RARB: variants seen among roughly 807,000 people sequenced by gnomAD.
The protein encoded by RARB is HBV-activated protein.
A neutral mutation model predicts 51.9 loss-of-function variants in RARB; 17 were observed. That is an observed-to-expected ratio of 0.33 (90% CI 0.22 to 0.49). The LOEUF is 0.49. Among genes scored for constraint, RARB ranks in the 20% least tolerant of loss-of-function variants. The pLI, the probability that RARB is intolerant of heterozygous loss-of-function variation, is 0.99. For synonymous variants in RARB, 215 were observed against 195.4 expected, an observed-to-expected ratio of 1.10 and a Z score of -0.84; for missense variants, 369 against 550.8, an observed-to-expected ratio of 0.67 and a Z score of 3.30.
chr3:24,901,780 C>T lies in RARB; in HGVS notation c.-380+43028C>T, dbSNP rs556041555. On this transcript the variant is annotated intron_variant, in intron 2 of 11. Transcript: ENST00000383772. Reference sequence around the variant, plus strand: ...GACTAGGGGGATTCCTCTGAGCTGTCGCTTCTTAGAATAGCAGTTTTAAGA... The same window carrying T: ...GACTAGGGGGATTCCTCTGAGCTGTTGCTTCTTAGAATAGCAGTTTTAAGA... Among the ~76,000 whole-genome samples, 341 of 152,174 alleles carry T rather than the reference C, an allele frequency of 2.2e-3. 15 individuals carry two copies. The South Asian group carries it at 0.065, about 29-fold the overall frequency.
At chr3:25,467,135 A>C (rs559603290) in intron 2 of RARB, among the ~76,000 whole-genome samples, 1 of 152,344 alleles carries the variant, frequency 6.6e-6, no homozygotes, top group East Asian at 1.9e-4. Context: ...CCCATCATCC[A>C]AAATCAGAGA....
At chr3:25,489,898 T>C (rs1217944287) in intron 2 of RARB, among the ~76,000 whole-genome samples, 2 of 152,260 alleles carry the variant, frequency 1.3e-5, no homozygotes, top group African/African-American at 4.8e-5. Context: ...TAGAGGTCGA[T>C]ACTCTTAGCA....
chr3:25,375,133 C>T (rs982847347), intron 5 of RARB, among the ~76,000 whole-genome samples: 1 of 152,032 alleles, frequency 6.6e-6, no homozygotes, highest in South Asian at 2.1e-4. Flanking sequence ...GGAGATCTGC[C>T]AGGGAAAAAA....
At position 24,906,045 on chromosome 3, in the gene RARB, T is replaced by G. The variant is rs145886911; in HGVS notation, c.-380+47293T>G. Among the ~76,000 whole-genome samples the G allele has an allele frequency of 6.6e-3, 1,010 of 152,296 alleles. 8 individuals carry two copies. The highest frequency in any genetic ancestry group is 0.022 in the African/African-American group (935 of 41,568). On this transcript the variant is annotated intron_variant, in intron 2 of 11. Transcript: ENST00000383772. ...CTGGGGTACCACAGTGGGGTCTTAG[T>G]TCCTCTCAGAAAATACAGTACTAAC... is the stretch of plus-strand genomic sequence containing the variant.
At chr3:25,485,999 A>C (rs893964725) in intron 2 of RARB, among the ~76,000 whole-genome samples, 6 of 152,206 alleles carry the variant, frequency 3.9e-5, no homozygotes, top group African/African-American at 1.4e-4. Context: ...GCCACGAATT[A>C]TATTTGACAG....
At chr3:25,267,222 C>A (rs1427966082) in intron 5 of RARB, among the ~76,000 whole-genome samples, 1 of 152,148 alleles carries the variant, frequency 6.6e-6, no homozygotes, top group Non-Finnish European at 1.5e-5. Context: ...TTACTAAGCA[C>A]CTTCATTTTA....
At chr3:25,000,483 T>G (rs1201737596) in intron 2 of RARB, among the ~76,000 whole-genome samples, 1 of 152,164 alleles carries the variant, frequency 6.6e-6, no homozygotes, top group Non-Finnish European at 1.5e-5. Flanking sequence ...TCAGGGTTTT[T>G]CCCTGCATGG....
In RARB at chr3:24,853,714, G is replaced by A. The variant is rs142884472; in HGVS notation, c.-458-4960G>A. Among the ~76,000 whole-genome samples the A allele has an allele frequency of 5.2e-3, 792 of 152,322 alleles. 7 individuals are homozygous for A. The highest frequency in any genetic ancestry group is 0.018 in the African/African-American group (731 of 41,570). On this transcript the variant is annotated intron_variant, in intron 1 of 11. Transcript: ENST00000383772. Reference sequence around the variant, plus strand: ...CTCATTCACCCGTTCTTCATTAAATGCCTGTCTTAAACAGGGCCATTGAAT... The same window carrying A: ...CTCATTCACCCGTTCTTCATTAAATACCTGTCTTAAACAGGGCCATTGAAT...
chr3:24,926,165 A>T (rs1221410060), intron 2 of RARB, among the ~76,000 whole-genome samples: 1 of 152,142 alleles, frequency 6.6e-6, no homozygotes, highest in Admixed American at 6.6e-5. Context: ...TTGTTTGACC[A>T]AAGAGAATGA....
At chr3:25,394,074 C>G (rs1575368047) in intron 5 of RARB, among the ~76,000 whole-genome samples, 1 of 152,128 alleles carries the variant, frequency 6.6e-6, no homozygotes, top group East Asian at 1.9e-4. Flanking sequence ...AATACTTTTG[C>G]TGTATCACAG....
Position 25,304,992 on chromosome 3 carries a change from A to G in RARB, c.178+130417A>G, listed in dbSNP as rs559197056. 2.0e-5 allele frequency among the ~76,000 whole-genome samples: 3 copies of G among 152,294 alleles called. No homozygotes were observed. In the South Asian group the frequency reaches 6.2e-4, roughly 32 times the overall value. Reference sequence around the variant, plus strand: ...GACATGTTCAGGGTTGCTGTACCCTACAGGTGCCATTACAGTTCAGAAACT... The same window carrying G: ...GACATGTTCAGGGTTGCTGTACCCTGCAGGTGCCATTACAGTTCAGAAACT... On this transcript the variant is annotated intron_variant, in intron 5 of 11. Coordinates refer to the RARB transcript ENST00000383772.
At chr3:24,940,174 T>C (rs1330646117) in intron 2 of RARB, among the ~76,000 whole-genome samples, 1 of 152,182 alleles carries the variant, frequency 6.6e-6, no homozygotes, top group Non-Finnish European at 1.5e-5. Flanking sequence ...GGTCTGTGTC[T>C]GCATTCAAAG....
intron 5 of RARB, among the ~76,000 whole-genome samples, chr3:25,323,965 T>C (rs772503939): frequency 6.6e-6 from 1 of 152,144 alleles, no homozygotes; most frequent in Non-Finnish European, 1.5e-5. Context: ...AAGAAAGCTC[T>C]GCTAAACTAG....
chr3:25,002,713 A>G (rs905284649), intron 2 of RARB, among the ~76,000 whole-genome samples: 2 of 149,878 alleles, frequency 1.3e-5, no homozygotes, highest in Non-Finnish European at 3.0e-5. Flanking sequence ...ACATAAATCT[A>G]TATATGTGTC....
At chr3:24,924,249 C>G (rs1440315822) in intron 2 of RARB, among the ~76,000 whole-genome samples, 1 of 152,140 alleles carries the variant, frequency 6.6e-6, no homozygotes, top group Non-Finnish European at 1.5e-5. Flanking sequence ...CATGTACTAT[C>G]TTTGATAAAA....
chr3:25,124,980 T>C (rs971988524), intron 3 of RARB, among the ~76,000 whole-genome samples: 7 of 152,230 alleles, frequency 4.6e-5, no homozygotes, highest in South Asian at 4.1e-4. Context: ...TAATGACTTA[T>C]ATAAAACTTA....
chr3:25,446,899 G>T (rs78398876), intron 1 of RARB, among the ~76,000 whole-genome samples: 1 of 150,752 alleles, frequency 6.6e-6, no homozygotes, highest in Admixed American at 6.6e-5. Context: ...CTAATCTTGC[G>T]TGTGGATTCA....
intron 1 of RARB, among the ~76,000 whole-genome samples, chr3:25,432,734 C>T (rs1157535164): frequency 6.6e-6 from 1 of 152,156 alleles, no homozygotes; most frequent in Non-Finnish European, 1.5e-5. Context: ...TATCATTAAA[C>T]TCTATCTGAG....
chr3:24,934,319 C>T (rs1261394227), intron 2 of RARB, among the ~76,000 whole-genome samples: 2 of 152,132 alleles, frequency 1.3e-5, no homozygotes, highest in African/African-American at 2.4e-5. Context: ...GTTACCGGCA[C>T]ATCTCAGGCT....
Sources: gnomAD v4.1 joint callset for allele counts (sites outside exome capture counted in the v4.1 genomes callset) on GRCh38, gnomAD v4.1.1 for gene constraint, MANE v1.5 for transcripts, NCBI Gene and HGNC (gene_info 2026-07-23, HGNC 2026-07-21) for gene names.